GSE1: variants seen among roughly 807,000 people sequenced by gnomAD.
The protein encoded by GSE1 is genetic suppressor element 1.
A neutral mutation model predicts 112.6 loss-of-function variants in GSE1; 32 were observed. The ratio of observed to expected loss-of-function variants is 0.28; its 90% CI spans 0.21 to 0.38. The LOEUF (loss-of-function observed/expected upper bound fraction) is 0.38, where lower values mean the gene tolerates loss of function less well. GSE1 is among the 10% of genes least tolerant of loss of function. GSE1 has a pLI of 1.00. For synonymous variants in GSE1, 1,115 were observed against 735.6 expected, an observed-to-expected ratio of 1.52 and a Z score of -8.35; for missense variants, 2,348 against 1,699.2, an observed-to-expected ratio of 1.38 and a Z score of -6.71.
rs892824455 is a variant in GSE1 at position 85,631,852 on chromosome 16, C to T, written c.8-2062C>T. On this transcript the variant is annotated intron_variant, in intron 1 of 15. Coordinates refer to ENST00000253458, the MANE Select transcript of GSE1 (RefSeq NM_014615.5). ...CCAGAAGCTGGGTCTGAGCCACAGGCGCGTTTTCATCGCCTCCAATGGACC... is the reference window on the plus strand; with the variant it reads ...CCAGAAGCTGGGTCTGAGCCACAGGTGCGTTTTCATCGCCTCCAATGGACC... 2.6e-5 allele frequency among the ~76,000 whole-genome samples: 4 copies of T among 152,384 alleles called. No individual in the cohort carries two copies. In the East Asian group the frequency reaches 5.8e-4, roughly 22 times the overall value.
intron 1 of GSE1, among the ~76,000 whole-genome samples, chr16:85,177,120 G>A (rs541210265): frequency 6.6e-6 from 1 of 152,356 alleles, no homozygotes; most frequent in African/African-American, 2.4e-5. Context: ...AGAAAACCAG[G>A]GGAAGGAGGA....
intron 1 of GSE1, among the ~76,000 whole-genome samples, chr16:85,187,705 A>G (rs1171587936): frequency 6.6e-6 from 1 of 152,090 alleles, no homozygotes; most frequent in Non-Finnish European, 1.5e-5. Context: ...AGGTCACTCC[A>G]TTCTCTGGGC....
chr16:85,342,412 C>T (rs75412142), intron 1 of GSE1, among the ~76,000 whole-genome samples: 20,644 of 152,160 alleles, frequency 0.14, 1,770 homozygotes, highest in Non-Finnish European at 0.19. Flanking sequence ...GCCCTGTCAG[C>T]GCTTGAGAAA....
At chr16:85,425,136 A>C in intron 2 of GSE1, among the ~76,000 whole-genome samples, 1 of 152,344 alleles carries the variant, frequency 6.6e-6, no homozygotes, top group Middle Eastern at 3.4e-3. Flanking sequence ...CCCAGCAGCC[A>C]CTTGCATCCC....
intron 1 of GSE1, among the ~76,000 whole-genome samples, chr16:85,339,914 CTCAGTGCCA>C: frequency 6.6e-6 from 1 of 152,264 alleles, no homozygotes; most frequent in East Asian, 1.9e-4. Flanking sequence ...CTGCCAAGTC[CTCAGTGCCA>C]AGAACGGTGC....
chr16:85,379,367 C>A (rs982293701), intron 2 of GSE1, among the ~76,000 whole-genome samples: 1 of 152,214 alleles, frequency 6.6e-6, no homozygotes, highest in African/African-American at 2.4e-5. Context: ...TGCCTGGCCC[C>A]GTGAGGTGGC....
intron 1 of GSE1, among the ~76,000 whole-genome samples, chr16:85,572,202 C>T (rs2046019175): frequency 1.3e-5 from 2 of 149,640 alleles, no homozygotes; most frequent in African/African-American, 4.9e-5. Flanking sequence ...ACACACAACA[C>T]ACACAGCACG....
Position 85,258,770 on chromosome 16 carries a change from C to T in GSE1, c.2283+86963C>T, listed in dbSNP as rs556153335. ...AGGAGGGACACGCTTGTCATGTTGG[C>T]GCTTGTCAGGCCCGCGAAGGGAGCT... On this transcript the variant is annotated intron_variant, in intron 1 of 2. Coordinates refer to the GSE1 transcript ENST00000637419. Among the ~76,000 whole-genome samples the T allele has an allele frequency of 1.8e-4, 27 of 152,346 alleles. 1 individual carries two copies. In the South Asian group the frequency reaches 4.6e-3, roughly 26 times the overall value.
In GSE1 at chr16:85,331,515, A is replaced by G. The variant is rs1313699982; in HGVS notation, c.2284-25948A>G. Among the ~76,000 whole-genome samples, 174 of 115,252 alleles carry G rather than the reference A, an allele frequency of 1.5e-3. 2 individuals carry two copies. The highest frequency in any genetic ancestry group is 3.6e-3 in the African/African-American group (109 of 30,410). The allele number at this position is 115,252 out of a possible 152,430, so 75.6% of individuals were successfully genotyped here. On this transcript the variant is annotated intron_variant, in intron 1 of 2. Transcript: ENST00000637419. Reference sequence around the variant, plus strand: ...TGTGTATATGTGTATATATGTATATATGTGTATATATGTGTATATGTGTAT... The same window carrying G: ...TGTGTATATGTGTATATATGTATATGTGTGTATATATGTGTATATGTGTAT...
chr16:85,320,223 GGCCCT>G (rs1382631516), intron 1 of GSE1, among the ~76,000 whole-genome samples: 5 of 152,198 alleles, frequency 3.3e-5, no homozygotes, highest in Non-Finnish European at 7.3e-5. Flanking sequence ...CACCCAGCAG[GGCCCT>G]GGTCGCCCTC....
chr16:85,598,846 G>T (rs973551130), intron 1 of GSE1, among the ~76,000 whole-genome samples: 1 of 152,240 alleles, frequency 6.6e-6, no homozygotes, highest in African/African-American at 2.4e-5. Context: ...TGAGGACATG[G>T]CCCCTTGTTT....
rs1480387651 is a variant in GSE1, at chr16:85,235,446, G to C, written c.2283+63639G>C. The stretch of plus-strand genomic sequence containing the variant: ...AAGGGTACTGTGTGTGTGTGTGTGT[G>C]TGTGTGTGTGTGTGTGTGTGTGTGT... On this transcript the variant is annotated intron_variant, in intron 1 of 2. Transcript: ENST00000637419. Among the ~76,000 whole-genome samples, 8 of 150,390 alleles carry C rather than the reference G, an allele frequency of 5.3e-5. No individual in the cohort carries two copies. In the South Asian group the frequency reaches 1.3e-3, roughly 24 times the overall value.
At chr16:85,493,944 A>G (rs2051090680) in intron 2 of GSE1, among the ~76,000 whole-genome samples, 3 of 151,956 alleles carry the variant, frequency 2.0e-5, no homozygotes, top group Non-Finnish European at 4.4e-5. Flanking sequence ...TTAGCTTGAC[A>G]TGGTAGTGGT....
intron 2 of GSE1, among the ~76,000 whole-genome samples, chr16:85,370,172 C>A (rs1026794648): frequency 1.3e-5 from 2 of 152,156 alleles, no homozygotes; most frequent in African/African-American, 4.8e-5. Context: ...GGATGCACAG[C>A]CAAAGCCAAG....
intron 1 of GSE1, among the ~76,000 whole-genome samples, chr16:85,213,568 C>T (rs954463527): frequency 6.6e-6 from 1 of 152,210 alleles, no homozygotes; most frequent in African/African-American, 2.4e-5. Context: ...GTGGCATTTC[C>T]GAGCCGAAGT....
At chr16:85,672,323 T>TA (rs753860751) in intron 15 of GSE1, 82 bp from the exon 16 acceptor site, 11 of 1,022,926 alleles carry the variant, frequency 1.1e-5, no homozygotes, top group Non-Finnish European at 1.7e-5. Context: ...GGTTTACCCT[T>TA]CCATCCAGCA....
chr16:85,498,349 A>T (rs1434151333), intron 2 of GSE1, among the ~76,000 whole-genome samples: 1 of 152,092 alleles, frequency 6.6e-6, no homozygotes, highest in Non-Finnish European at 1.5e-5. Context: ...GGACACACAG[A>T]TACCCACACA....
intron 2 of GSE1, among the ~76,000 whole-genome samples, chr16:85,374,076 G>C (rs2047360568): frequency 6.6e-6 from 1 of 152,144 alleles, no homozygotes; most frequent in African/African-American, 2.4e-5. Context: ...GTATGTGTGT[G>C]GTGCTGTATG....
intron 9 of GSE1, 106 bp from the exon 10 acceptor site, chr16:85,662,875 G>T (rs1277652332): frequency 1.7e-5 from 13 of 765,166 alleles, no homozygotes; most frequent in Non-Finnish European, 2.7e-5. Flanking sequence ...TCAGGTGCCA[G>T]CAGGCCTGGC....
Sources: allele counts gnomAD v4.1 joint callset (sites outside exome capture counted in the v4.1 genomes callset), GRCh38; gene constraint gnomAD v4.1.1; transcripts MANE v1.5; gene names NCBI Gene and HGNC (gene_info 2026-07-23, HGNC 2026-07-21).